Variants in ARHGAP15 observed in about 807,000 individuals in gnomAD.
ARHGAP15 encodes rho GTPase-activating protein 15.
ARHGAP15 carries 51 observed loss-of-function variants against 63.7 expected under a neutral mutation model. The observed-to-expected ratio is 0.80, with a 90% CI of 0.64 to 1.01. The LOEUF is 1.01. ARHGAP15 is among the 50% of genes least tolerant of loss of function. The pLI is 0.00. For synonymous variants in ARHGAP15, 191 were observed against 193.8 expected (o/e 0.99, Z 0.12); for missense variants, 560 against 564.6 (o/e 0.99, Z 0.08).
intron 11 of ARHGAP15, among the ~76,000 whole-genome samples, chr2:143,583,489 T>A (rs1174605932): frequency 6.6e-6 from 1 of 151,960 alleles, no homozygotes; most frequent in African/African-American, 2.4e-5. Context: ...AAAGTTGAGT[T>A]ACTCATGATG....
chr2:143,158,539 TA>T (rs1159828154), intron 2 of ARHGAP15, among the ~76,000 whole-genome samples: 2 of 151,954 alleles, frequency 1.3e-5, no homozygotes, highest in African/African-American at 4.8e-5. Flanking sequence ...AAAATTTGGT[TA>T]ATAAAATCAA....
rs571461349 is a variant in ARHGAP15, at chr2:143,188,702, C to T, written c.166-13432C>T. 6.6e-4 allele frequency among the ~76,000 whole-genome samples: 100 copies of T among 151,754 alleles called. 1 individual carries two copies. The highest frequency in any genetic ancestry group is 2.4e-3 in the African/African-American group (98 of 41,374). On this transcript the variant is annotated intron_variant, in intron 2 of 13. Coordinates refer to ENST00000295095, the MANE Select transcript of ARHGAP15 (RefSeq NM_018460.4). ...ATGGTATGATCTCAGCTCACTGCAA[C>T]CTCTGCCTCCCAGGTTCAAGCTATT...
chr2:143,391,193 G>T (rs1687524711), intron 6 of ARHGAP15, among the ~76,000 whole-genome samples: 1 of 152,222 alleles, frequency 6.6e-6, no homozygotes, highest in Non-Finnish European at 1.5e-5. Context: ...TGCTTTCAAA[G>T]CTGCTTAGGC....
At chr2:143,396,566 GT>G (rs1319566604) in intron 6 of ARHGAP15, among the ~76,000 whole-genome samples, 2 of 151,012 alleles carry the variant, frequency 1.3e-5, no homozygotes, top group African/African-American at 4.9e-5. Context: ...GTGCGTGTGT[GT>G]TTTTTAAGTA....
chr2:143,380,526 A>G (rs1429533531), intron 6 of ARHGAP15, among the ~76,000 whole-genome samples: 2 of 152,136 alleles, frequency 1.3e-5, no homozygotes, highest in African/African-American at 4.8e-5. Flanking sequence ...TGGATGATAT[A>G]ATAAATTTTC....
At chr2:143,234,628 A>G (rs541463779) in intron 5 of ARHGAP15, among the ~76,000 whole-genome samples, 1 of 152,142 alleles carries the variant, frequency 6.6e-6, no homozygotes, top group Admixed American at 6.5e-5. Context: ...TTATTTTCTT[A>G]TTTTACATTG....
At chr2:143,707,772 A>G (rs1684397320) in intron 13 of ARHGAP15, among the ~76,000 whole-genome samples, 1 of 152,206 alleles carries the variant, frequency 6.6e-6, no homozygotes, top group South Asian at 2.1e-4. Context: ...GCCTTAGTAA[A>G]GTGTAGTTCA....
chr2:143,235,718 A>T (rs923161054), intron 5 of ARHGAP15, among the ~76,000 whole-genome samples: 1 of 152,164 alleles, frequency 6.6e-6, no homozygotes, highest in African/African-American at 2.4e-5. Flanking sequence ...CAGAAGTGAA[A>T]ACTTTTTCCT....
chr2:143,529,967 C>G (rs544677977), intron 10 of ARHGAP15, among the ~76,000 whole-genome samples: 5 of 152,238 alleles, frequency 3.3e-5, no homozygotes, highest in African/African-American at 1.2e-4. Context: ...CCCGTCCCCA[C>G]AGTGCTTAGC....
At position 143,609,705 on chromosome 2, in the gene ARHGAP15, C is replaced by T. The variant is rs530497868; in HGVS notation, c.1004-14428C>T. Among the ~76,000 whole-genome samples, 431 of 152,264 alleles carry T rather than the reference C, an allele frequency of 2.8e-3. 1 individual carries two copies. The highest frequency in any genetic ancestry group is 3.9e-3 in the Non-Finnish European group (263 of 68,010). On this transcript the variant is annotated intron_variant, in intron 11 of 13. Coordinates refer to ENST00000295095, the MANE Select transcript of ARHGAP15 (RefSeq NM_018460.4). ...TTTGCCCCCCCACCTCATACCCATTCTCCACTCTTCACTACCCTGTTCGGT... is the reference window on the plus strand; with the variant it reads ...TTTGCCCCCCCACCTCATACCCATTTTCCACTCTTCACTACCCTGTTCGGT...
At chr2:143,297,588 T>C (rs1411482673) in intron 6 of ARHGAP15, among the ~76,000 whole-genome samples, 1 of 152,000 alleles carries the variant, frequency 6.6e-6, no homozygotes, top group Non-Finnish European at 1.5e-5. Context: ...TGATCTTCTC[T>C]CTTACAGGTA....
At chr2:143,633,301 A>G (rs895119136) in intron 12 of ARHGAP15, among the ~76,000 whole-genome samples, 1 of 152,170 alleles carries the variant, frequency 6.6e-6, no homozygotes, top group African/African-American at 2.4e-5. Flanking sequence ...ATACTTGACT[A>G]GAGCCAAATG....
intron 8 of ARHGAP15, among the ~76,000 whole-genome samples, chr2:143,461,583 G>A (rs1365687942): frequency 1.3e-5 from 2 of 152,122 alleles, no homozygotes; most frequent in Non-Finnish European, 2.9e-5. Context: ...TTAAAAGGAA[G>A]CAATCTAAAG....
intron 3 of ARHGAP15, among the ~76,000 whole-genome samples, chr2:143,215,752 T>C (rs1169771637): frequency 6.6e-6 from 1 of 152,226 alleles, no homozygotes; most frequent in African/African-American, 2.4e-5. Flanking sequence ...TGCGGAGTTA[T>C]AATGACTTGT....
chr2:143,643,069 C>T lies in ARHGAP15; in HGVS notation c.1138+18802C>T, dbSNP rs146907662. On this transcript the variant is annotated intron_variant, in intron 12 of 13. Coordinates refer to ENST00000295095, the MANE Select transcript of ARHGAP15 (RefSeq NM_018460.4). ...ATTAACTAATTAATTGCGGAGAATT[C>T]AATACTGCAGATGGGTTAAATTTTA... 9.6e-4 allele frequency among the ~76,000 whole-genome samples: 146 copies of T among 152,150 alleles called. 1 individual carries two copies. The highest frequency in any genetic ancestry group is 1.5e-3 in the Non-Finnish European group (101 of 67,986).
At chr2:143,525,132 CT>C (rs1442393158) in intron 10 of ARHGAP15, among the ~76,000 whole-genome samples, 1 of 152,140 alleles carries the variant, frequency 6.6e-6, no homozygotes, top group African/African-American at 2.4e-5. Context: ...ACTGTTCATT[CT>C]TTCCCACTTT....
intron 3 of ARHGAP15, among the ~76,000 whole-genome samples, chr2:143,205,563 C>T (rs1018344077): frequency 6.6e-6 from 1 of 152,078 alleles, no homozygotes; most frequent in Non-Finnish European, 1.5e-5. Flanking sequence ...TTTGTTTTCA[C>T]TTCCAAGCTT....
chr2:143,393,681 T>C (rs1687633342), intron 6 of ARHGAP15, among the ~76,000 whole-genome samples: 1 of 140,154 alleles, frequency 7.1e-6, no homozygotes, highest in African/African-American at 2.7e-5. Context: ...AGTGAGCCGA[T>C]TGTGCCACTG....
chr2:143,294,648 CT>C (rs762392623), intron 6 of ARHGAP15, among the ~76,000 whole-genome samples: 3 of 152,024 alleles, frequency 2.0e-5, no homozygotes, highest in Non-Finnish European at 4.4e-5. Flanking sequence ...ATCACTTCTG[CT>C]TATTTCTTAC....
Sources: allele counts gnomAD v4.1 joint callset (sites outside exome capture counted in the v4.1 genomes callset), GRCh38; gene constraint gnomAD v4.1.1; transcripts MANE v1.5; gene names NCBI Gene and HGNC (gene_info 2026-07-23, HGNC 2026-07-21).